CSMD1: variants seen among roughly 807,000 people sequenced by gnomAD.
The protein encoded by CSMD1 is CUB and Sushi multiple domains 1, also known as CUB and sushi domain-containing protein 1.
In CSMD1, 213 loss-of-function variants were observed where a neutral mutation model predicts 417.5. The observed-to-expected ratio is 0.51, with a 90% CI of 0.46 to 0.57. The LOEUF is 0.57. Among genes scored for constraint, CSMD1 ranks in the 20% least tolerant of loss-of-function variants. The probability of loss-of-function intolerance (pLI) is 0.00; values close to 1 mark genes in which losing one functional copy is unlikely to be tolerated. For missense variants in CSMD1, 6,923 were observed against 4,529.7 expected, an observed-to-expected ratio of 1.53 and a Z score of -15.17; for synonymous variants, 2,862 against 1,736.8, an observed-to-expected ratio of 1.65 and a Z score of -16.11.
intron 5 of CSMD1, among the ~76,000 whole-genome samples, chr8:3,938,056 A>G (rs1810625388): frequency 6.6e-6 from 1 of 152,152 alleles, no homozygotes; most frequent in African/African-American, 2.4e-5. Context: ...TTGACTTCCA[A>G]CAATATTCTG....
At chr8:3,047,344 C>A (rs1482385886) in intron 50 of CSMD1, among the ~76,000 whole-genome samples, 2 of 152,028 alleles carry the variant, frequency 1.3e-5, no homozygotes, top group Non-Finnish European at 2.9e-5. Context: ...TCATCTACAT[C>A]CGTTATTCTT....
intron 2 of CSMD1, among the ~76,000 whole-genome samples, chr8:4,620,912 G>C (rs1306586036): frequency 6.6e-6 from 1 of 151,524 alleles, no homozygotes; most frequent in Non-Finnish European, 1.5e-5. Flanking sequence ...AAAAAAAATA[G>C]GCAACTGGCA....
At chr8:4,079,131 C>G (rs1799990639) in intron 3 of CSMD1, among the ~76,000 whole-genome samples, 1 of 151,602 alleles carries the variant, frequency 6.6e-6, no homozygotes, top group African/African-American at 2.4e-5. Flanking sequence ...TTTTATTCAA[C>G]TACTGGATCA....
intron 10 of CSMD1, among the ~76,000 whole-genome samples, chr8:3,502,844 C>G (rs1012250426): frequency 1.3e-5 from 2 of 152,114 alleles, no homozygotes; most frequent in African/African-American, 4.8e-5. Context: ...TGAGCCCTAA[C>G]GTGCACTATG....
chr8:3,726,159 T>C (rs1044037839), intron 6 of CSMD1, among the ~76,000 whole-genome samples: 15 of 151,946 alleles, frequency 9.9e-5, no homozygotes, highest in Middle Eastern at 3.2e-3. Context: ...CGAGGCGTCC[T>C]GCCAATCTCC....
intron 3 of CSMD1, among the ~76,000 whole-genome samples, chr8:4,302,789 G>C (rs1371206175): frequency 6.6e-6 from 1 of 152,140 alleles, no homozygotes; most frequent in African/African-American, 2.4e-5. Flanking sequence ...GGCACCGTCA[G>C]CCCCTCTACA....
At chr8:3,706,190 C>G (rs1021618191) in intron 7 of CSMD1, among the ~76,000 whole-genome samples, 1 of 152,258 alleles carries the variant, frequency 6.6e-6, no homozygotes, top group African/African-American at 2.4e-5. Flanking sequence ...ATGCCACACT[C>G]TGCAACAGGC....
intron 2 of CSMD1, among the ~76,000 whole-genome samples, chr8:4,611,516 T>C (rs1054453322): frequency 6.6e-6 from 1 of 152,178 alleles, no homozygotes. Context: ...GATAAAACTA[T>C]CGCAATTTAT....
intron 5 of CSMD1, among the ~76,000 whole-genome samples, chr8:3,832,572 G>A (rs1324781139): frequency 1.3e-5 from 2 of 152,016 alleles, no homozygotes; most frequent in East Asian, 1.9e-4. Context: ...ATTTCAAGAC[G>A]TAAAAAAACA....
At chr8:3,881,373 T>C (rs888613155) in intron 5 of CSMD1, among the ~76,000 whole-genome samples, 1 of 151,440 alleles carries the variant, frequency 6.6e-6, no homozygotes, top group African/African-American at 2.4e-5. Flanking sequence ...CGGTGGCTTA[T>C]GCCTATAATC....
At chr8:4,952,946 G>C (rs2117292378) in intron 1 of CSMD1, among the ~76,000 whole-genome samples, 1 of 152,260 alleles carries the variant, frequency 6.6e-6, no homozygotes, top group Non-Finnish European at 1.5e-5. Context: ...AGACATGGCA[G>C]TAATTGATAC....
At chr8:4,726,529 A>C (rs293874) in intron 1 of CSMD1, among the ~76,000 whole-genome samples, 141,709 of 152,166 alleles carry the variant, frequency 0.93, 66,097 homozygotes, top group East Asian at 0.99. Flanking sequence ...TAATGAGAAT[A>C]CAAGCAGTGC....
chr8:3,498,196 T>C (rs528998452), intron 10 of CSMD1, among the ~76,000 whole-genome samples: 1 of 152,310 alleles, frequency 6.6e-6, no homozygotes, highest in Admixed American at 6.5e-5. Flanking sequence ...TTGCTTATAT[T>C]TGACTTGACT....
intron 10 of CSMD1, among the ~76,000 whole-genome samples, chr8:3,569,517 T>A (rs1169121031): frequency 2.0e-5 from 3 of 152,220 alleles, no homozygotes; most frequent in African/African-American, 7.2e-5. Flanking sequence ...TGTCCTATCT[T>A]ATTTCTTAAA....
intron 1 of CSMD1, among the ~76,000 whole-genome samples, chr8:4,971,106 C>T (rs576034526): frequency 6.6e-6 from 1 of 151,760 alleles, no homozygotes; most frequent in Admixed American, 6.6e-5. Flanking sequence ...TTTTCATATA[C>T]CAAATTCAGA....
intron 5 of CSMD1, among the ~76,000 whole-genome samples, chr8:3,936,497 A>C (rs1280357390): frequency 6.6e-6 from 1 of 152,200 alleles, no homozygotes; most frequent in African/African-American, 2.4e-5. Context: ...CCATTACAAA[A>C]ATCCCAGGAT....
At chr8:3,960,327 C>G (rs921888253) in intron 5 of CSMD1, among the ~76,000 whole-genome samples, 1 of 152,140 alleles carries the variant, frequency 6.6e-6, no homozygotes, top group South Asian at 2.1e-4. Flanking sequence ...GTACATTAAA[C>G]TTTCCAAATG....
intron 2 of CSMD1, among the ~76,000 whole-genome samples, chr8:4,465,817 C>G (rs540859067): frequency 9.8e-5 from 15 of 152,288 alleles, no homozygotes; most frequent in Middle Eastern, 3.4e-3. Flanking sequence ...CAACCCACCC[C>G]ACATTCCTGA....
chr8:3,572,873 A>T (rs1368188072), intron 10 of CSMD1, among the ~76,000 whole-genome samples: 3 of 152,160 alleles, frequency 2.0e-5, no homozygotes, highest in Admixed American at 1.3e-4. Flanking sequence ...CTACTATCTA[A>T]CCTTCAGAAC....
Sources: allele counts gnomAD v4.1 joint callset (sites outside exome capture counted in the v4.1 genomes callset), GRCh38; gene constraint gnomAD v4.1.1; transcripts MANE v1.5; gene names NCBI Gene and HGNC (gene_info 2026-07-23, HGNC 2026-07-21).